LRRC7: variants seen among roughly 807,000 people sequenced by gnomAD.
The protein encoded by LRRC7 is leucine rich repeat containing 7, also known as leucine-rich repeat-containing protein 7.
A neutral mutation model predicts 175.7 loss-of-function variants in LRRC7; 23 were observed. That is an observed-to-expected ratio of 0.13 (90% CI 0.09 to 0.19). The LOEUF is 0.19. Among genes scored for constraint, LRRC7 ranks in the 10% least tolerant of loss-of-function variants. LRRC7 has a pLI of 1.00. For synonymous variants in LRRC7, 685 were observed against 680.9 expected, an observed-to-expected ratio of 1.01 and a Z score of -0.09; for missense variants, 1,354 against 1,904.7, an observed-to-expected ratio of 0.71 and a Z score of 5.38.
chr1:70,012,351 C>A (rs1277653063), intron 12 of LRRC7, among the ~76,000 whole-genome samples: 2 of 151,720 alleles, frequency 1.3e-5, no homozygotes, highest in African/African-American at 4.8e-5. Flanking sequence ...CCAAGAGATT[C>A]TGTTAATTTT....
chr1:69,924,931 T>C lies in LRRC7; in HGVS notation c.648-6576T>C, dbSNP rs1193460741. On this transcript the variant is annotated intron_variant, in intron 7 of 26. Coordinates refer to ENST00000651989, the MANE Select transcript of LRRC7 (RefSeq NM_001370785.2). ...TGCCCATTCAGTATGGTATTGGCTG[T>C]GGGTTTGTCATAGATAGCTCTTATT... Among the ~76,000 whole-genome samples, 6 of 152,314 alleles carry C rather than the reference T, an allele frequency of 3.9e-5. No homozygotes were observed. The East Asian group carries it at 1.2e-3, about 29-fold the overall frequency.
intron 7 of LRRC7, among the ~76,000 whole-genome samples, chr1:69,905,252 T>TTTA (rs36050545): frequency 0.36 from 54,051 of 149,940 alleles, 11,858 homozygotes; most frequent in East Asian, 0.55. Context: ...GTAAGTTCTT[T>TTTA]TTATTATTAT....
At chr1:69,591,184 G>C (rs930355862) in intron 1 of LRRC7, among the ~76,000 whole-genome samples, 1 of 152,098 alleles carries the variant, frequency 6.6e-6, no homozygotes, top group Non-Finnish European at 1.5e-5. Flanking sequence ...TTTGCTTGCT[G>C]TATCTCTTGA....
chr1:69,781,695 G>GAA (rs199852282), intron 3 of LRRC7, among the ~76,000 whole-genome samples: 3 of 23,674 alleles, frequency 1.3e-4, no homozygotes, highest in East Asian at 2.3e-3. Flanking sequence ...AAAGAAGAAA[G>GAA]AAAGAAAGAA....
rs1666434250 is a variant in LRRC7, at chr1:70,125,850, G to C, written c.*3963G>C. Among the ~76,000 whole-genome samples, 1 of 148,952 alleles carries C rather than the reference G, an allele frequency of 6.7e-6. No individual in the cohort carries two copies. The highest frequency in any genetic ancestry group is 6.7e-5 in the Admixed American group (1 of 14,968). ...AGGGGAGAAAACATGGAAGAAATTAGATTTATATATTCAAATATTAAGTGA... is the reference window on the plus strand; with the variant it reads ...AGGGGAGAAAACATGGAAGAAATTACATTTATATATTCAAATATTAAGTGA... On this transcript the variant is annotated 3_prime_UTR_variant, in exon 27 of 27. Transcript: ENST00000651989.
intron 24 of LRRC7, among the ~76,000 whole-genome samples, chr1:70,085,720 C>T (rs1351336835): frequency 6.6e-6 from 1 of 152,032 alleles, no homozygotes; most frequent in Non-Finnish European, 1.5e-5. Context: ...TAGAATAACT[C>T]CTCATTCCAT....
chr1:70,121,755 C>A (rs1483913520), intron 26 of LRRC7, 25 bp from the exon 27 acceptor site: 7 of 1,412,520 alleles, frequency 5.0e-6, no homozygotes, highest in East Asian at 2.3e-5. Flanking sequence ...ACATTGATTG[C>A]CCTGTTTTAT....
intron 24 of LRRC7, among the ~76,000 whole-genome samples, chr1:70,077,251 C>T (rs1343292576): frequency 6.6e-6 from 1 of 151,950 alleles, no homozygotes; most frequent in South Asian, 2.1e-4. Flanking sequence ...TTTGTAATAT[C>T]CTTCTTGAAG....
Position 69,921,906 on chromosome 1 carries a change from A to G in LRRC7, c.648-9601A>G, listed in dbSNP as rs551598075. ...CTACCATTTTTCTTATTTCTTATCAATTCTTACATTCATTCTGTTTGTTTG... is the reference window on the plus strand; with the variant it reads ...CTACCATTTTTCTTATTTCTTATCAGTTCTTACATTCATTCTGTTTGTTTG... On this transcript the variant is annotated intron_variant, in intron 7 of 26. Coordinates refer to ENST00000651989, the MANE Select transcript of LRRC7 (RefSeq NM_001370785.2). Among the ~76,000 whole-genome samples, 38 of 151,714 alleles carry G rather than the reference A, an allele frequency of 2.5e-4. No homozygotes were observed. The South Asian group carries it at 7.5e-3, about 30-fold the overall frequency.
At chr1:69,848,176 G>A (rs1031401916) in intron 7 of LRRC7, among the ~76,000 whole-genome samples, 88 of 152,136 alleles carry the variant, frequency 5.8e-4, no homozygotes, top group African/African-American at 2.0e-3. Flanking sequence ...GTTTCCATGG[G>A]AATTTGGATC....
At chr1:69,976,991 C>T (rs553622817) in intron 8 of LRRC7, among the ~76,000 whole-genome samples, 1 of 152,286 alleles carries the variant, frequency 6.6e-6, no homozygotes, top group Admixed American at 6.5e-5. Context: ...CCTCCAGGAA[C>T]CCGAAGTTAA....
chr1:69,938,105 T>C (rs1473671230), intron 8 of LRRC7, among the ~76,000 whole-genome samples: 1 of 152,024 alleles, frequency 6.6e-6, no homozygotes, highest in Non-Finnish European at 1.5e-5. Context: ...AGAAAAGTTA[T>C]TCTATGTGAA....
intron 4 of LRRC7, among the ~76,000 whole-genome samples, chr1:69,798,568 T>C (rs12059104): frequency 0.024 from 3,679 of 152,280 alleles, 129 homozygotes; most frequent in African/African-American, 0.08. Context: ...AGTATGAAGA[T>C]AATAACATGA....
At chr1:69,761,483 C>T (rs1671028500) in intron 3 of LRRC7, among the ~76,000 whole-genome samples, 1 of 152,000 alleles carries the variant, frequency 6.6e-6, no homozygotes, top group Admixed American at 6.6e-5. Flanking sequence ...TTACATAACA[C>T]TTCAAAGTTA....
At position 69,949,858 on chromosome 1, in the gene LRRC7, A is replaced by G. The variant is rs1389637376; in HGVS notation, c.711+18288A>G. ...TGGTACTCATTAAAAAAGCCAAGCA[A>G]TTCTGACATCCCAGAGGGACTCGTT... On this transcript the variant is annotated intron_variant, in intron 8 of 26. Coordinates refer to ENST00000651989, the MANE Select transcript of LRRC7 (RefSeq NM_001370785.2). 2.0e-5 allele frequency among the ~76,000 whole-genome samples: 3 copies of G among 152,124 alleles called. No homozygotes were observed. The East Asian group carries it at 5.8e-4, about 29-fold the overall frequency.
chr1:69,758,859 T>C (rs1409752427), intron 2 of LRRC7, among the ~76,000 whole-genome samples: 3 of 152,056 alleles, frequency 2.0e-5, no homozygotes, highest in South Asian at 2.1e-4. Flanking sequence ...ATTGTTTTTA[T>C]AAATGTTACT....
chr1:70,129,518 A>G lies in LRRC7; in HGVS notation c.*7631A>G, dbSNP rs1666582429. On this transcript the variant is annotated 3_prime_UTR_variant, in exon 27 of 27. Coordinates refer to ENST00000651989, the MANE Select transcript of LRRC7 (RefSeq NM_001370785.2). ...TTACGGGAGAAGGAGATGGAATTCA[A>G]CACTTTAAAAAGTGTGGGGGGGTTG... is the stretch of plus-strand genomic sequence containing the variant. 6.6e-6 allele frequency among the ~76,000 whole-genome samples: 1 copy of G among 152,152 alleles called. No homozygotes were observed. The highest frequency in any genetic ancestry group is 1.5e-5 in the Non-Finnish European group (1 of 68,030).
chr1:69,652,953 G>A (rs1184470814), intron 1 of LRRC7, among the ~76,000 whole-genome samples: 1 of 151,694 alleles, frequency 6.6e-6, no homozygotes, highest in East Asian at 1.9e-4. Flanking sequence ...AACTCAAAAT[G>A]GATTAAAAAT....
At chr1:70,076,558 C>T (rs1662794155) in intron 24 of LRRC7, among the ~76,000 whole-genome samples, 1 of 152,204 alleles carries the variant, frequency 6.6e-6, no homozygotes, top group Non-Finnish European at 1.5e-5. Flanking sequence ...TACCATCCTA[C>T]ACCCTTTCCT....
Sources: gnomAD v4.1 joint callset for allele counts (sites outside exome capture counted in the v4.1 genomes callset) on GRCh38, gnomAD v4.1.1 for gene constraint, MANE v1.5 for transcripts, NCBI Gene and HGNC (gene_info 2026-07-23, HGNC 2026-07-21) for gene names.